Variants in INPP4A observed in about 807,000 individuals in gnomAD.
The protein encoded by INPP4A is inositol polyphosphate-4-phosphatase, type I, 107kD.
A neutral mutation model predicts 119.8 loss-of-function variants in INPP4A; 33 were observed. That is an observed-to-expected ratio of 0.28 (90% CI 0.21 to 0.37). The LOEUF (loss-of-function observed/expected upper bound fraction) is 0.37. Ranked by LOEUF, INPP4A falls within the 10% of genes least tolerant of loss-of-function variation. The probability of loss-of-function intolerance (pLI) is 1.00; values close to 1 mark genes in which losing one functional copy is unlikely to be tolerated. For missense variants in INPP4A, 956 were observed against 1,289.9 expected (o/e 0.74, Z 3.97); for synonymous variants, 496 against 500.7 (o/e 0.99, Z 0.12).
intron 1 of INPP4A, among the ~76,000 whole-genome samples, chr2:98,473,294 T>A (rs1363382681): frequency 5.4e-5 from 7 of 130,156 alleles, no homozygotes; most frequent in African/African-American, 2.1e-4. Context: ...GAGTGGAGAG[T>A]GTGGCGGGTA....
At chr2:98,479,292 C>T (rs1290594937) in intron 1 of INPP4A, among the ~76,000 whole-genome samples, 1 of 152,188 alleles carries the variant, frequency 6.6e-6, no homozygotes, top group African/African-American at 2.4e-5. Flanking sequence ...GGGGTATCTG[C>T]TGTGCCTTGG....
At chr2:98,449,960 T>A (rs760687790) in intron 1 of INPP4A, among the ~76,000 whole-genome samples, 32 of 152,252 alleles carry the variant, frequency 2.1e-4, no homozygotes, top group Non-Finnish European at 7.3e-5. Flanking sequence ...TAACTTCTAA[T>A]GAATTACCTG....
chr2:98,576,650 C>T (rs1366945783), intron 23 of INPP4A, among the ~76,000 whole-genome samples: 1 of 152,264 alleles, frequency 6.6e-6, no homozygotes, highest in East Asian at 1.9e-4. Context: ...AAGGGCTGAA[C>T]GTGATAAGAG....
chr2:98,549,241 A>G (rs1320021897), intron 13 of INPP4A, among the ~76,000 whole-genome samples: 2 of 152,080 alleles, frequency 1.3e-5, no homozygotes, highest in Non-Finnish European at 2.9e-5. Context: ...TTCTCCCAGG[A>G]AGAGGAAGGG....
rs200035086 is a variant in INPP4A, at chr2:98,539,536, G to A, written c.679G>A (p.Gly227Ser). The A allele has an allele frequency of 4.2e-4, 682 of 1,608,006 alleles. 1 individual carries two copies. The highest frequency in any genetic ancestry group is 5.6e-4 in the Non-Finnish European group (662 of 1,176,210). The change falls in exon 10 of 25, where the codon GGT (glycine) becomes AGT (serine). Residue 227 changes from glycine to serine, a missense_variant. Physicochemically the swap from Gly to Ser is moderately conservative, Grantham distance 56. This residue lies in a region of INPP4A where 652 missense variants were observed against 797.9 expected (regional missense o/e 0.82). Transcript: ENST00000409851. Reference protein sequence around the residue: ...KDTLLKSVFGGAICRMYRFPT... With the variant: ...KDTLLKSVFGSAICRMYRFPT... ...TTGTCATCCCACCTCAGTGTTCGGT[G>A]GTGCCATCTGCCGCATGTACCGGTT...
chr2:98,506,345 C>G (rs1403250235), intron 1 of INPP4A, among the ~76,000 whole-genome samples: 1 of 152,274 alleles, frequency 6.6e-6, no homozygotes, highest in Non-Finnish European at 1.5e-5. Context: ...GCTGCTGCTG[C>G]TGACCTTGAG....
intron 13 of INPP4A, among the ~76,000 whole-genome samples, chr2:98,551,147 G>C (rs1290500995): frequency 2.0e-5 from 3 of 151,968 alleles, no homozygotes; most frequent in African/African-American, 7.3e-5. Flanking sequence ...TAAAAGGTGG[G>C]GTCTCACGAT....
At chr2:98,447,855 G>A (rs1694467612) in intron 1 of INPP4A, among the ~76,000 whole-genome samples, 1 of 151,980 alleles carries the variant, frequency 6.6e-6, no homozygotes, top group African/African-American at 2.4e-5. Context: ...AGACCATCCT[G>A]GCTAACACGG....
At chr2:98,453,936 G>A (rs1460201733) in intron 1 of INPP4A, among the ~76,000 whole-genome samples, 2 of 152,090 alleles carry the variant, frequency 1.3e-5, no homozygotes, top group African/African-American at 4.8e-5. Context: ...GTGAAAACCC[G>A]TCTCTACTAA....
At chr2:98,548,894 T>C (rs1378004118) in intron 13 of INPP4A, 4 of 1,519,258 alleles carry the variant, frequency 2.6e-6, no homozygotes, top group Non-Finnish European at 2.7e-6. Context: ...ATTTTTTGTT[T>C]TTGCATTTGG....
intron 1 of INPP4A, among the ~76,000 whole-genome samples, chr2:98,449,560 C>T (rs912690898): frequency 2.6e-5 from 4 of 152,214 alleles, no homozygotes; most frequent in African/African-American, 9.6e-5. Flanking sequence ...TCAGCTTATA[C>T]TTTCCTTGTC....
chr2:98,534,373 G>C (rs749713447), intron 5 of INPP4A, among the ~76,000 whole-genome samples: 34 of 152,320 alleles, frequency 2.2e-4, no homozygotes, highest in Admixed American at 1.4e-3. Context: ...TATTGGAGTA[G>C]GAAGGTAAGG....
At chr2:98,515,534 T>C (rs2105638360) in intron 1 of INPP4A, among the ~76,000 whole-genome samples, 1 of 152,338 alleles carries the variant, frequency 6.6e-6, no homozygotes, top group African/African-American at 2.4e-5. Flanking sequence ...CGATAGTTCA[T>C]ATTTCATCTC....
chr2:98,524,295 T>C (rs1687792239), intron 4 of INPP4A, among the ~76,000 whole-genome samples: 2 of 152,196 alleles, frequency 1.3e-5, no homozygotes, highest in African/African-American at 4.8e-5. Flanking sequence ...ACGATCAGGT[T>C]GGAGAGACAA....
At chr2:98,534,403 A>C (rs1017553873) in intron 5 of INPP4A, among the ~76,000 whole-genome samples, 2 of 152,186 alleles carry the variant, frequency 1.3e-5, no homozygotes, top group Non-Finnish European at 2.9e-5. Flanking sequence ...GGAGGCTGGG[A>C]TCCTATCTGG....
At chr2:98,475,614 T>G (rs1677046079) in intron 1 of INPP4A, among the ~76,000 whole-genome samples, 1 of 152,230 alleles carries the variant, frequency 6.6e-6, no homozygotes, top group African/African-American at 2.4e-5. Flanking sequence ...AGATACTTTG[T>G]TTTTTTGCTT....
intron 17 of INPP4A, among the ~76,000 whole-genome samples, chr2:98,562,550 T>C (rs1695678284): frequency 6.6e-6 from 1 of 152,232 alleles, no homozygotes; most frequent in African/African-American, 2.4e-5. Context: ...AAGGGGCATG[T>C]ACTGCCTGGG....
At position 98,539,712 on chromosome 2, in the gene INPP4A, C is replaced by T. The variant is rs1280230702; in HGVS notation, c.818+37C>T. 2.5e-6 allele frequency: 4 copies of T among 1,579,210 alleles called. No individual in the cohort carries two copies. The South Asian group carries it at 3.5e-5, about 14-fold the overall frequency. On this transcript the variant is annotated intron_variant, in intron 10 of 24. Coordinates refer to ENST00000409851, the MANE Select transcript of INPP4A (RefSeq NM_001134225.2). ...TGGAAGGACTGACTGTCCATCATAC[C>T]CATGTCATGTGCCCCTTCCTTTCTG...
chr2:98,522,714 G>T (rs573062031), intron 4 of INPP4A, among the ~76,000 whole-genome samples: 2 of 151,794 alleles, frequency 1.3e-5, no homozygotes, highest in South Asian at 2.1e-4. Flanking sequence ...AAGGTGTATT[G>T]TGGTGAAATT....
Sources: gnomAD v4.1 joint callset for allele counts (sites outside exome capture counted in the v4.1 genomes callset) on GRCh38, gnomAD v4.1.1 for gene constraint, gnomAD v4.1.1 regional missense constraint, MANE v1.5 for transcripts, NCBI Gene and HGNC (gene_info 2026-07-23, HGNC 2026-07-21) for gene names.